Variants in SLC39A11 observed in about 807,000 individuals in gnomAD.
SLC39A11 encodes solute carrier family 39 member 11, also known as zinc transporter ZIP11.
A neutral mutation model predicts 36.1 loss-of-function variants in SLC39A11; 33 were observed. That is an observed-to-expected ratio of 0.91 (90% CI 0.69 to 1.22). The LOEUF (loss-of-function observed/expected upper bound fraction) is 1.22. Among genes scored for constraint, SLC39A11 ranks in the 50% most tolerant of loss-of-function variants. The pLI, the probability that SLC39A11 is intolerant of heterozygous loss-of-function variation, is 0.00. For synonymous variants in SLC39A11, 166 were observed against 170.3 expected (o/e 0.97, Z 0.20); for missense variants, 432 against 430.3 (o/e 1.00, Z -0.03).
rs952049510 is a variant in SLC39A11, at chr17:72,771,679, T to A, written c.602-34960A>T. Among the ~76,000 whole-genome samples, 3 of 152,214 alleles carry A rather than the reference T, an allele frequency of 2.0e-5. No homozygotes were observed. In the South Asian group the frequency reaches 6.2e-4, roughly 32 times the overall value. On this transcript the variant is annotated intron_variant, in intron 6 of 9. Coordinates refer to ENST00000255559, the MANE Select transcript of SLC39A11 (RefSeq NM_139177.4). ...TAATAAAAAAAAGACTGTGCGGTAA[T>A]GTGCTCATCAGCCACGCTGAGGCCA...
chr17:73,031,750 A>C, intron 3 of SLC39A11, 36 bp from the exon 4 acceptor site: 1 of 1,607,172 alleles, frequency 6.2e-7, no homozygotes, highest in Non-Finnish European at 8.5e-7. Context: ...ACGTTAAAGC[A>C]ACTGCAGAAG....
chr17:72,865,410 C>T (rs1281221607), intron 5 of SLC39A11, among the ~76,000 whole-genome samples: 1 of 92,200 alleles, frequency 1.1e-5, no homozygotes, highest in Non-Finnish European at 2.1e-5. Context: ...AAAAACTGCT[C>T]GAAAAAAAAA....
At chr17:72,694,897 GGA>G in intron 7 of SLC39A11, among the ~76,000 whole-genome samples, 1 of 152,270 alleles carries the variant, frequency 6.6e-6, no homozygotes, top group Middle Eastern at 3.4e-3. Context: ...TTCCTCCCCG[GGA>G]GAGTCTCTGT....
Position 72,890,844 on chromosome 17 carries a change from CA to C in SLC39A11, c.431-41041del, listed in dbSNP as rs369298298. ...ATAGAAAACTAATTTAATGGATAGGCAAAGAAAGAGAAGCCCAAAGGGGGAC... is the reference window on the plus strand; with the variant it reads ...ATAGAAAACTAATTTAATGGATAGGCAAGAAAGAGAAGCCCAAAGGGGGAC... On this transcript the variant is annotated intron_variant, in intron 5 of 9. Coordinates refer to ENST00000255559, the MANE Select transcript of SLC39A11 (RefSeq NM_139177.4). Among the ~76,000 whole-genome samples, 20 of 151,836 alleles carry C rather than the reference CA, an allele frequency of 1.3e-4. No homozygotes were observed. In the East Asian group the frequency reaches 2.7e-3, roughly 21 times the overall value.
At chr17:72,814,163 C>T (rs914309539) in intron 6 of SLC39A11, among the ~76,000 whole-genome samples, 6 of 152,202 alleles carry the variant, frequency 3.9e-5, no homozygotes, top group Non-Finnish European at 8.8e-5. Context: ...AGCCACCTTT[C>T]AAGTACTCAA....
At chr17:72,964,361 G>C (rs868313559) in intron 4 of SLC39A11, among the ~76,000 whole-genome samples, 2 of 152,212 alleles carry the variant, frequency 1.3e-5, no homozygotes, top group Admixed American at 6.5e-5. Flanking sequence ...GGTTACCTTG[G>C]CCTCCCGGTC....
chr17:73,089,534 C>T (rs867978569), intron 1 of SLC39A11, among the ~76,000 whole-genome samples: 4 of 152,312 alleles, frequency 2.6e-5, no homozygotes, highest in Middle Eastern at 6.8e-3. Context: ...CTTTTCTGGC[C>T]TTCCCCAGCC....
intron 6 of SLC39A11, among the ~76,000 whole-genome samples, chr17:72,740,346 T>G (rs1240613765): frequency 6.6e-6 from 1 of 152,154 alleles, no homozygotes; most frequent in Non-Finnish European, 1.5e-5. Context: ...ATTACAGGCG[T>G]AAGCCACCGC....
intron 4 of SLC39A11, among the ~76,000 whole-genome samples, chr17:73,008,689 C>A (rs983094710): frequency 6.6e-6 from 1 of 152,202 alleles, no homozygotes; most frequent in African/African-American, 2.4e-5. Context: ...GCCCAAATGT[C>A]CAGCAATGGA....
intron 7 of SLC39A11, among the ~76,000 whole-genome samples, chr17:72,653,792 A>G (rs1598228853): frequency 6.6e-6 from 1 of 152,220 alleles, no homozygotes; most frequent in East Asian, 1.9e-4. Flanking sequence ...CCTGGGGGTC[A>G]CCTCTGAAGA....
At chr17:72,726,887 T>C (rs78775060) in intron 7 of SLC39A11, among the ~76,000 whole-genome samples, 6,447 of 152,242 alleles carry the variant, frequency 0.042, 329 homozygotes, top group African/African-American at 0.12. Context: ...TGTAGACTAA[T>C]CAACCATGCC....
At chr17:73,003,350 T>C (rs1018731532) in intron 4 of SLC39A11, among the ~76,000 whole-genome samples, 5 of 152,166 alleles carry the variant, frequency 3.3e-5, no homozygotes, top group African/African-American at 1.2e-4. Flanking sequence ...AAAGTACTCA[T>C]ATGACAAATG....
intron 4 of SLC39A11, among the ~76,000 whole-genome samples, chr17:72,985,407 CTTTTT>C: frequency 1.3e-5 from 1 of 78,930 alleles, no homozygotes; most frequent in African/African-American, 5.2e-5. Context: ...TGGGGCCTGC[CTTTTT>C]TTTTTTTTTT....
At chr17:72,703,212 C>A (rs2072731356) in intron 7 of SLC39A11, among the ~76,000 whole-genome samples, 1 of 152,108 alleles carries the variant, frequency 6.6e-6, no homozygotes, top group Non-Finnish European at 1.5e-5. Context: ...AATGAAAAGT[C>A]CTGCATGTGG....
chr17:73,068,326 G>T, intron 3 of SLC39A11: 1 of 565,400 alleles, frequency 1.8e-6, no homozygotes, highest in South Asian at 2.6e-5. Context: ...TCTTGTTTTA[G>T]CCACTATGTT....
intron 4 of SLC39A11, among the ~76,000 whole-genome samples, chr17:73,019,150 T>C (rs1404234173): frequency 1.3e-5 from 2 of 152,202 alleles, no homozygotes; most frequent in Non-Finnish European, 2.9e-5. Flanking sequence ...AGAGAATTTG[T>C]CACTAGCAGG....
At chr17:73,001,686 T>A (rs995529132) in intron 4 of SLC39A11, among the ~76,000 whole-genome samples, 29 of 152,048 alleles carry the variant, frequency 1.9e-4, no homozygotes, top group Non-Finnish European at 1.3e-4. Flanking sequence ...AGTCTCAGAC[T>A]CAGAGGCCAT....
At chr17:72,962,984 A>T (rs1479759965) in intron 4 of SLC39A11, among the ~76,000 whole-genome samples, 1 of 152,030 alleles carries the variant, frequency 6.6e-6, no homozygotes, top group Non-Finnish European at 1.5e-5. Flanking sequence ...GACCTCAAGG[A>T]AGGCCCACTC....
chr17:72,756,803 C>T (rs990426288), intron 6 of SLC39A11, among the ~76,000 whole-genome samples: 3 of 151,890 alleles, frequency 2.0e-5, no homozygotes, highest in African/African-American at 7.3e-5. Flanking sequence ...AGTATTTTAC[C>T]ACAATTAAAA....
Sources: allele counts gnomAD v4.1 joint callset (sites outside exome capture counted in the v4.1 genomes callset), GRCh38; gene constraint gnomAD v4.1.1; transcripts MANE v1.5; gene names NCBI Gene and HGNC (gene_info 2026-07-23, HGNC 2026-07-21).